KCNN2: variants seen among roughly 807,000 people sequenced by gnomAD.
KCNN2 encodes potassium calcium-activated channel subfamily N member 2, also known as small conductance calcium-activated potassium channel protein 2.
KCNN2 carries 24 observed loss-of-function variants against 55.5 expected under a neutral mutation model. The ratio of observed to expected loss-of-function variants is 0.43; its 90% CI spans 0.31 to 0.61. KCNN2 has a LOEUF of 0.61. Among genes scored for constraint, KCNN2 ranks in the 20% least tolerant of loss-of-function variants. The probability of loss-of-function intolerance (pLI) is 0.08; values close to 1 mark genes in which losing one functional copy is unlikely to be tolerated. For synonymous variants in KCNN2, 431 were observed against 336.1 expected, an observed-to-expected ratio of 1.28 and a Z score of -3.09; for missense variants, 754 against 853.6, an observed-to-expected ratio of 0.88 and a Z score of 1.45.
chr5:114,470,605 C>A (rs1358592337), intron 4 of KCNN2, among the ~76,000 whole-genome samples: 1 of 152,154 alleles, frequency 6.6e-6, no homozygotes, highest in Non-Finnish European at 1.5e-5. Context: ...AAAGGCCATT[C>A]TTTTCTTTCA....
chr5:114,190,720 A>T (rs1218221473), intron 1 of KCNN2, among the ~76,000 whole-genome samples: 1 of 152,162 alleles, frequency 6.6e-6, no homozygotes, highest in Non-Finnish European at 1.5e-5. Context: ...GTGTGCATGG[A>T]TTTAAAAAAT....
At chr5:114,268,581 G>C (rs1415159746) in intron 2 of KCNN2, among the ~76,000 whole-genome samples, 1 of 152,184 alleles carries the variant, frequency 6.6e-6, no homozygotes, top group Non-Finnish European at 1.5e-5. Flanking sequence ...GAACCAAAAA[G>C]AGCAGAGAAA....
intron 2 of KCNN2, among the ~76,000 whole-genome samples, chr5:114,401,857 G>C (rs1489392973): frequency 6.6e-6 from 1 of 152,226 alleles, no homozygotes; most frequent in Admixed American, 6.5e-5. Context: ...GGCAAAACCA[G>C]ATTGCAGAAT....
chr5:114,282,060 A>G (rs1016436188), intron 2 of KCNN2, among the ~76,000 whole-genome samples: 11 of 152,020 alleles, frequency 7.2e-5, no homozygotes, highest in African/African-American at 2.7e-4. Flanking sequence ...ATATTTATGT[A>G]TTTGTGTCTT....
At chr5:114,133,567 T>C (rs1470113637) in intron 1 of KCNN2, among the ~76,000 whole-genome samples, 1 of 152,116 alleles carries the variant, frequency 6.6e-6, no homozygotes, top group Non-Finnish European at 1.5e-5. Flanking sequence ...TCTGGGAGCA[T>C]TGTTTTTTGG....
At chr5:114,471,802 T>C (rs1297387939) in intron 4 of KCNN2, among the ~76,000 whole-genome samples, 1 of 152,216 alleles carries the variant, frequency 6.6e-6, no homozygotes, top group Non-Finnish European at 1.5e-5. Context: ...TGGCTCATCA[T>C]TGTGGCAATG....
intron 1 of KCNN2, among the ~76,000 whole-genome samples, chr5:114,202,630 A>G (rs1383360849): frequency 7.7e-6 from 1 of 130,010 alleles, no homozygotes; most frequent in East Asian, 2.3e-4. Flanking sequence ...TCTGTTGCCC[A>G]GGCTGGAGTG....
At chr5:114,260,701 T>G (rs1480872291) in intron 2 of KCNN2, among the ~76,000 whole-genome samples, 1 of 152,234 alleles carries the variant, frequency 6.6e-6, no homozygotes, top group Non-Finnish European at 1.5e-5. Flanking sequence ...GCTCTCTTTT[T>G]CTGAGAACAA....
chr5:114,358,642 A>G (rs558518396), upstream of KCNN2, among the ~76,000 whole-genome samples: 1 of 137,092 alleles, frequency 7.3e-6, no homozygotes, highest in South Asian at 2.7e-4. Flanking sequence ...ATAGCCCTTG[A>G]TCTGCGTCTT....
At chr5:114,418,374 C>T (rs1337312081) in intron 3 of KCNN2, among the ~76,000 whole-genome samples, 1 of 152,214 alleles carries the variant, frequency 6.6e-6, no homozygotes, top group Non-Finnish European at 1.5e-5. Context: ...AGGAGGGCTT[C>T]ACAGAAACGT....
intron 1 of KCNN2, among the ~76,000 whole-genome samples, chr5:114,194,241 G>C (rs1224003561): frequency 6.6e-6 from 1 of 152,042 alleles, no homozygotes; most frequent in Non-Finnish European, 1.5e-5. Flanking sequence ...GAGTTTTATA[G>C]TAACTATTTG....
intron 2 of KCNN2, among the ~76,000 whole-genome samples, chr5:114,260,106 C>T (rs1755072922): frequency 1.3e-5 from 2 of 152,228 alleles, no homozygotes; most frequent in Non-Finnish European, 2.9e-5. Context: ...TACCACCCTA[C>T]TCCAAGATAA....
chr5:114,187,457 T>C (rs1561514515), intron 1 of KCNN2, among the ~76,000 whole-genome samples: 1 of 151,258 alleles, frequency 6.6e-6, no homozygotes, highest in African/African-American at 2.4e-5. Context: ...TTTTGGAATA[T>C]AAATATCTTT....
chr5:114,469,123 C>T (rs1046981522), intron 4 of KCNN2, among the ~76,000 whole-genome samples: 5 of 152,070 alleles, frequency 3.3e-5, no homozygotes, highest in Non-Finnish European at 7.4e-5. Flanking sequence ...TTGGGATTTC[C>T]CTAGAGGTAC....
At chr5:114,476,611 G>A (rs1322646655) in intron 5 of KCNN2, among the ~76,000 whole-genome samples, 1 of 151,964 alleles carries the variant, frequency 6.6e-6, no homozygotes, top group African/African-American at 2.4e-5. Flanking sequence ...GTGGAGATGG[G>A]GGTTTCTCCA....
At chr5:114,363,624 TTTGCTA>T (rs1379073969) in intron 1 of KCNN2, among the ~76,000 whole-genome samples, 3 of 152,168 alleles carry the variant, frequency 2.0e-5, no homozygotes, top group African/African-American at 4.8e-5. Flanking sequence ...TTCCTCTGGT[TTTGCTA>T]GCCTGGAACA....
intron 1 of KCNN2, among the ~76,000 whole-genome samples, chr5:114,163,856 G>A (rs537315176): frequency 5.3e-5 from 8 of 152,330 alleles, no homozygotes; most frequent in African/African-American, 1.9e-4. Context: ...TGCTATGGCT[G>A]TTATTAATGA....
At chr5:114,056,825 T>C (rs1750220016) in intron 1 of KCNN2, among the ~76,000 whole-genome samples, 1 of 152,196 alleles carries the variant, frequency 6.6e-6, no homozygotes, top group Non-Finnish European at 1.5e-5. Context: ...TCCAATCTTT[T>C]ATTTATTTTG....
At chr5:114,306,168 C>T (rs1756265388) in intron 2 of KCNN2, among the ~76,000 whole-genome samples, 1 of 152,174 alleles carries the variant, frequency 6.6e-6, no homozygotes, top group East Asian at 1.9e-4. Context: ...TTTTGATTTC[C>T]TTTACTGATG....
Sources: allele counts gnomAD v4.1 joint callset (sites outside exome capture counted in the v4.1 genomes callset), GRCh38; gene constraint gnomAD v4.1.1; transcripts MANE v1.5; gene names NCBI Gene and HGNC (gene_info 2026-07-23, HGNC 2026-07-21).